The following LRP1B variants were observed in gnomAD, a reference collection of about 807,000 sequenced individuals.
LRP1B encodes the protein LDL receptor related protein 1B, also known as low-density lipoprotein receptor-related protein 1B.
Under a neutral mutation model 556.6 loss-of-function variants are expected in LRP1B, and 217 were observed. That is an observed-to-expected ratio of 0.39 (90% confidence interval 0.35 to 0.44). The LOEUF is 0.44. Ranked by LOEUF, LRP1B falls within the 20% of genes least tolerant of loss-of-function variation. LRP1B has a pLI of 1.00. For synonymous variants in LRP1B, 2,047 were observed against 1,865.8 expected (o/e 1.10, Z -2.50); for missense variants, 5,053 against 5,620.8 (o/e 0.90, Z 3.23).
chr2:141,129,992 T>A (rs1387607353), intron 7 of LRP1B, among the ~76,000 whole-genome samples: 1 of 151,940 alleles, frequency 6.6e-6, no homozygotes, highest in Non-Finnish European at 1.5e-5. Context: ...TTTAAAGGAA[T>A]AGTGACAAAG....
At chr2:140,261,981 T>C (rs2104928135) in intron 86 of LRP1B, among the ~76,000 whole-genome samples, 1 of 152,142 alleles carries the variant, frequency 6.6e-6, no homozygotes, top group South Asian at 2.1e-4. Context: ...TACTTTATAT[T>C]ATTCTCTGTT....
chr2:141,994,334 A>G (rs977817568), intron 1 of LRP1B, among the ~76,000 whole-genome samples: 1 of 152,168 alleles, frequency 6.6e-6, no homozygotes, highest in African/African-American at 2.4e-5. Flanking sequence ...ATTATTTCAT[A>G]ATAGAGGGAA....
At chr2:140,436,598 T>G (rs1686192076) in intron 66 of LRP1B, among the ~76,000 whole-genome samples, 1 of 131,826 alleles carries the variant, frequency 7.6e-6, no homozygotes, top group African/African-American at 2.8e-5. Context: ...TATATTATAC[T>G]GCTCACTGTC....
intron 7 of LRP1B, among the ~76,000 whole-genome samples, chr2:141,083,662 G>A (rs1345358923): frequency 6.6e-6 from 1 of 152,138 alleles, no homozygotes; most frequent in East Asian, 1.9e-4. Context: ...ATGGATTAAC[G>A]GATTAATAGG....
At chr2:141,690,440 T>TATATAA (rs1558806640) in intron 2 of LRP1B, among the ~76,000 whole-genome samples, 8 of 132,808 alleles carry the variant, frequency 6.0e-5, no homozygotes, top group South Asian at 2.4e-4. Flanking sequence ...TATATATATA[T>TATATAA]AATTACAAAT....
At chr2:141,739,637 TAGAA>T (rs1465351186) in intron 2 of LRP1B, among the ~76,000 whole-genome samples, 6 of 151,506 alleles carry the variant, frequency 4.0e-5, no homozygotes, top group Non-Finnish European at 8.8e-5. Context: ...AAACTAATAA[TAGAA>T]AGAAAGTTGT....
chr2:140,706,192 G>A (rs1686830905), intron 37 of LRP1B, among the ~76,000 whole-genome samples: 1 of 152,102 alleles, frequency 6.6e-6, no homozygotes, highest in Non-Finnish European at 1.5e-5. Context: ...AGTAGGTTCA[G>A]ACCCTACTGA....
chr2:140,261,334 A>G (rs1379749768), intron 86 of LRP1B, among the ~76,000 whole-genome samples: 6 of 151,808 alleles, frequency 4.0e-5, no homozygotes, highest in Non-Finnish European at 7.4e-5. Context: ...CAAATCCATT[A>G]TTTTACAGAC....
intron 3 of LRP1B, among the ~76,000 whole-genome samples, chr2:141,256,957 A>G (rs146369880): frequency 3.5e-4 from 54 of 152,238 alleles, no homozygotes; most frequent in African/African-American, 1.3e-3. Flanking sequence ...TGTGAAAATC[A>G]AAGAGAAGAG....
chr2:140,473,759 C>A (rs932974034), intron 60 of LRP1B, among the ~76,000 whole-genome samples: 1 of 151,724 alleles, frequency 6.6e-6, no homozygotes, highest in Non-Finnish European at 1.5e-5. Context: ...CATATACAAC[C>A]TCCTAGCACT....
chr2:140,529,436 G>C (rs1041763338), intron 47 of LRP1B, among the ~76,000 whole-genome samples: 11 of 114,480 alleles, frequency 9.6e-5, no homozygotes, highest in East Asian at 4.0e-4. Flanking sequence ...CTGAAAAGGG[G>C]GGGGGGAAGC....
intron 17 of LRP1B, among the ~76,000 whole-genome samples, chr2:140,985,354 A>T (rs978962593): frequency 1.3e-5 from 2 of 150,830 alleles, no homozygotes; most frequent in Non-Finnish European, 2.9e-5. Flanking sequence ...GGGTTTTTTA[A>T]AATCAATTAT....
In LRP1B at chr2:140,358,919, G is replaced by T. The variant is rs771161987; in HGVS notation, c.11159C>A (p.Pro3720His). The T allele has an allele frequency of 3.2e-5, 52 of 1,608,022 alleles. No individual in the cohort carries two copies. The South Asian group carries it at 5.6e-4, about 17-fold the overall frequency. ...CVKFLCPSTRPHRCRNNRICL... is the reference protein window; with the variant it reads ...CVKFLCPSTRHHRCRNNRICL... ...TATTCTGTTATTTCTGCATCTGTGA[G>T]GTCTCGTGGATGGACAAAGAAATTT... The change falls in exon 73 of 91, where the codon CCT becomes CAT. Residue 3720 changes from proline to histidine, a missense_variant. Transcript: ENST00000389484.
In LRP1B at chr2:140,483,640, A is replaced by ATT. The variant is rs1178469364; in HGVS notation, c.9425+1701_9425+1702dup. Among the ~76,000 whole-genome samples, 508 of 70,718 alleles carry ATT rather than the reference A, an allele frequency of 7.2e-3. 11 individuals carry two copies. The highest frequency in any genetic ancestry group is 0.031 in the African/African-American group (489 of 15,702). The allele number at this position is 70,718 out of a possible 152,430, so 46.4% of individuals were successfully genotyped here. A position where few individuals can be genotyped will look rare whatever the true frequency, so the allele number is the denominator to read the frequency against. On this transcript the variant is annotated intron_variant, in intron 59 of 90. Coordinates refer to ENST00000389484, the MANE Select transcript of LRP1B (RefSeq NM_018557.3). ...CATATATATATATATATATATATAT[A>ATT]TTTTTTTTTTTTTTTTTTGAGACAC...
At chr2:141,571,256 G>A (rs777492383) in intron 2 of LRP1B, among the ~76,000 whole-genome samples, 1 of 150,888 alleles carries the variant, frequency 6.6e-6, no homozygotes, top group Non-Finnish European at 1.5e-5. Flanking sequence ...TCCAGGCACA[G>A]GAGTGAATCA....
At chr2:141,457,366 A>G (rs775649618) in intron 3 of LRP1B, among the ~76,000 whole-genome samples, 25 of 152,146 alleles carry the variant, frequency 1.6e-4, no homozygotes, top group Admixed American at 3.3e-4. Flanking sequence ...ATTCTCACTT[A>G]TAAGTGGGAG....
chr2:140,331,873 T>A (rs1680835100), intron 79 of LRP1B, among the ~76,000 whole-genome samples: 1 of 151,840 alleles, frequency 6.6e-6, no homozygotes, highest in Non-Finnish European at 1.5e-5. Context: ...TTTTTTGTAT[T>A]TTTAGTAGAG....
chr2:141,871,270 G>A (rs1698578722), intron 1 of LRP1B, among the ~76,000 whole-genome samples: 1 of 151,782 alleles, frequency 6.6e-6, no homozygotes, highest in Non-Finnish European at 1.5e-5. Context: ...TGGAAGAGTG[G>A]TTGATGTCTA....
At chr2:141,232,166 G>T (rs1174874568) in intron 5 of LRP1B, among the ~76,000 whole-genome samples, 35 of 152,036 alleles carry the variant, frequency 2.3e-4, no homozygotes, top group Non-Finnish European at 2.9e-5. Flanking sequence ...TTAATTTGGG[G>T]ATCTAGATTT....
Sources: allele counts gnomAD v4.1 joint callset (sites outside exome capture counted in the v4.1 genomes callset), GRCh38; gene constraint gnomAD v4.1.1; transcripts MANE v1.5; gene names NCBI Gene and HGNC (gene_info 2026-07-23, HGNC 2026-07-21).